SYCP2L: variants seen among roughly 807,000 people sequenced by gnomAD.
SYCP2L encodes synaptonemal complex protein 2-like.
SYCP2L carries 98 observed loss-of-function variants against 125.8 expected under a neutral mutation model. That is an observed-to-expected ratio of 0.78 (90% CI 0.66 to 0.92). The LOEUF (loss-of-function observed/expected upper bound fraction) is 0.92. Ranked by LOEUF, SYCP2L falls within the 40% of genes least tolerant of loss-of-function variation. The pLI is 0.00. For missense variants in SYCP2L, 842 were observed against 936.4 expected, an observed-to-expected ratio of 0.90 and a Z score of 1.32; for synonymous variants, 317 against 325.4, an observed-to-expected ratio of 0.97 and a Z score of 0.28.
At chr6:10,964,684 C>A (rs1322154550) in intron 29 of SYCP2L, among the ~76,000 whole-genome samples, 1 of 152,032 alleles carries the variant, frequency 6.6e-6, no homozygotes, top group Admixed American at 6.5e-5. Context: ...TGGAGGCAAC[C>A]CATTAAAAGA....
Position 10,892,073 on chromosome 6 carries a change from A to G in SYCP2L, c.78+492A>G, listed in dbSNP as rs941243521. Among the ~76,000 whole-genome samples, 5 of 152,332 alleles carry G rather than the reference A, an allele frequency of 3.3e-5. No individual in the cohort carries two copies. In the South Asian group the frequency reaches 6.2e-4, roughly 19 times the overall value. ...TGGTCCTGGAAGATCTACCTGAAAA[A>G]GTGATGCTTAAGCTGTGATCTGAGT... On this transcript the variant is annotated intron_variant, in intron 2 of 29. Transcript: ENST00000283141.
In SYCP2L at chr6:10,889,770, G is replaced by A. The variant is rs139543751; in HGVS notation, c.10-1743G>A. Reference sequence around the variant, plus strand: ...CCCGTAGCTGGGATTACAGGCATGCGCCACCCTGCCCGGATAATTTTCTAT... The same window carrying A: ...CCCGTAGCTGGGATTACAGGCATGCACCACCCTGCCCGGATAATTTTCTAT... On this transcript the variant is annotated intron_variant, in intron 1 of 29. Coordinates refer to ENST00000283141, the MANE Select transcript of SYCP2L (RefSeq NM_001040274.3). Among the ~76,000 whole-genome samples, 732 of 152,158 alleles carry A rather than the reference G, an allele frequency of 4.8e-3. 8 individuals carry two copies. Among genetic ancestry groups the A allele is most frequent in the African/African-American group, 0.017 (696 of 41,508 alleles).
chr6:10,923,443 T>G (rs1308285106), intron 14 of SYCP2L, among the ~76,000 whole-genome samples: 10 of 134,364 alleles, frequency 7.4e-5, no homozygotes, highest in Non-Finnish European at 1.2e-4. Context: ...TGGAGTGCAG[T>G]GGCATGATCT....
chr6:10,912,903 G>A lies in SYCP2L; in HGVS notation c.1048G>A (p.Ala350Thr). Residue 350 changes from alanine to threonine, a missense_variant, in exon 14 of 30, where the codon GCG becomes ACG. Physicochemically the swap from Ala to Thr is moderately conservative, Grantham distance 58. Transcript: ENST00000283141. This position sits in a 1 kb window ranked among gnomAD's most constrained non-coding sequence, Gnocchi z 4.1. ...GGACTCAGTGACACTTCCGAAGGAA[G>A]CGGTGATGAATTTCAGCATAACAGG... ...LWDSVTLPKE[A>T]VMNFSITETE... 6.2e-7 allele frequency: 1 copy of A among 1,613,870 alleles called. No homozygotes were observed. Among genetic ancestry groups the A allele is most frequent in the South Asian group, 1.1e-5 (1 of 91,082 alleles).
chr6:10,887,115 A>G lies in SYCP2L; in HGVS notation c.-12A>G. On this transcript the variant is annotated 5_prime_UTR_variant, in exon 1 of 30. Transcript: ENST00000283141. The stretch of plus-strand genomic sequence containing the variant: ...GAGCGGCGCGTCGCTTCAGGAACGA[A>G]GAAGCCTCGTTATGCAAGCGGTGAG... 6.2e-7 allele frequency: 1 copy of G among 1,614,126 alleles called. No individual in the cohort carries two copies. The highest frequency in any genetic ancestry group is 8.5e-7 in the Non-Finnish European group (1 of 1,179,982).
At chr6:10,915,118 C>G (rs1437440050) in intron 14 of SYCP2L, among the ~76,000 whole-genome samples, 1 of 152,072 alleles carries the variant, frequency 6.6e-6, no homozygotes, top group Non-Finnish European at 1.5e-5. Context: ...TGATTCTCAG[C>G]TTGGTTGCTG....
Position 10,958,848 on chromosome 6 carries a change from A to G in SYCP2L, c.2228A>G (p.Lys743Arg). Residue 743 changes from lysine (K) to arginine (R), a missense_variant, in exon 26 of 30, where the codon AAA becomes AGA. Transcript: ENST00000283141. ...AAGAAAGCACCGGATTGCCTAATAA[A>G]ACTTTTAAACCAGATGCAACTGTTC... ...NAKKAPDCLI[K>R]LLNQMQLFRL... 1 of 1,613,998 alleles carries G rather than the reference A, an allele frequency of 6.2e-7. No individual in the cohort carries two copies. The highest frequency in any genetic ancestry group is 8.5e-7 in the Non-Finnish European group (1 of 1,179,974).
chr6:10,904,097 T>G (rs1408318400), intron 8 of SYCP2L, among the ~76,000 whole-genome samples: 3 of 152,242 alleles, frequency 2.0e-5, no homozygotes, highest in Admixed American at 2.0e-4. Context: ...AAGCAATCCA[T>G]GTAAAGTGAT....
At chr6:10,919,791 A>G (rs1440765413) in intron 14 of SYCP2L, among the ~76,000 whole-genome samples, 2 of 151,722 alleles carry the variant, frequency 1.3e-5, no homozygotes, top group African/African-American at 4.8e-5. Flanking sequence ...AGGTCAATGG[A>G]GTTATGTTCC....
chr6:10,955,048 A>G (rs1781477540), intron 23 of SYCP2L, 68 bp from the exon 24 acceptor site: 8 of 1,098,296 alleles, frequency 7.3e-6, no homozygotes, highest in African/African-American at 1.5e-5. Flanking sequence ...TCACAGTAAG[A>G]CATTAACTGC....
chr6:10,933,161 T>C (rs754548235), intron 20 of SYCP2L, among the ~76,000 whole-genome samples: 1 of 152,248 alleles, frequency 6.6e-6, no homozygotes, highest in South Asian at 2.1e-4. Flanking sequence ...TTCAAAAATA[T>C]ACTTCTCTCT....
intron 11 of SYCP2L, 81 bp from the exon 12 acceptor site, chr6:10,910,743 T>A (rs1470916321): frequency 2.7e-6 from 4 of 1,455,354 alleles, no homozygotes; most frequent in Non-Finnish European, 3.8e-6. Context: ...ACTCTAGTTA[T>A]AAGTGCTTGT....
intron 8 of SYCP2L, among the ~76,000 whole-genome samples, chr6:10,903,741 ACT>A (rs1248327278): frequency 5.3e-5 from 8 of 151,882 alleles, no homozygotes; most frequent in South Asian, 2.1e-4. Flanking sequence ...ATAGAGCGAG[ACT>A]CTGTCTCAAA....
rs536224219 is a variant in SYCP2L at position 10,913,577 on chromosome 6, C to G, written c.1072+650C>G. Among the ~76,000 whole-genome samples, 72 of 150,278 alleles carry G rather than the reference C, an allele frequency of 4.8e-4. No individual in the cohort carries two copies. The Middle Eastern group carries it at 0.014, about 29-fold the overall frequency. On this transcript the variant is annotated intron_variant, in intron 14 of 29. Transcript: ENST00000283141. ...CACTTTTGGATGGGATTTTTTTTTT[C>G]TTGCTGAATTGTTTGAGTTCGTTGT...
intron 1 of SYCP2L, among the ~76,000 whole-genome samples, chr6:10,889,616 CTTTTTTTT>C (rs34273350): frequency 3.5e-4 from 35 of 101,412 alleles, no homozygotes. Context: ...TGAGATCAGC[CTTTTTTTT>C]TTTTTTTTTT....
At chr6:10,911,033 A>G (rs1780597906) in intron 12 of SYCP2L, among the ~76,000 whole-genome samples, 164 bp downstream of exon 12, 1 of 151,972 alleles carries the variant, frequency 6.6e-6, no homozygotes, top group Non-Finnish European at 1.5e-5. Context: ...ATCATACCAT[A>G]CCCTAACCAG....
intron 14 of SYCP2L, among the ~76,000 whole-genome samples, chr6:10,915,394 G>C (rs897638275): frequency 1.7e-4 from 26 of 152,170 alleles, no homozygotes; most frequent in African/African-American, 6.0e-4. Context: ...TCCTTGTCCT[G>C]TTCCAGTTCT....
chr6:10,899,742 A>G (rs954444251), intron 6 of SYCP2L, among the ~76,000 whole-genome samples: 2 of 152,354 alleles, frequency 1.3e-5, no homozygotes, highest in Non-Finnish European at 1.5e-5. Flanking sequence ...GAGGAAATTC[A>G]GTACCAGAAG....
chr6:10,944,721 T>G (rs996767337), intron 23 of SYCP2L, among the ~76,000 whole-genome samples: 2 of 152,056 alleles, frequency 1.3e-5, no homozygotes, highest in African/African-American at 4.8e-5. Flanking sequence ...TATTTTTTAA[T>G]TTTTTTATTT....
Sources: gnomAD v4.1 joint callset for allele counts (sites outside exome capture counted in the v4.1 genomes callset) on GRCh38, gnomAD v4.1.1 for gene constraint, Gnocchi (gnomAD v3.1) non-coding constraint, MANE v1.5 for transcripts, NCBI Gene and HGNC (gene_info 2026-07-23, HGNC 2026-07-21) for gene names.